Variants in RNGTT observed in about 807,000 individuals in gnomAD.
RNGTT encodes RNA guanylyltransferase and 5'-phosphatase.
Under a neutral mutation model 79.3 loss-of-function variants are expected in RNGTT, and 33 were observed. That is an observed-to-expected ratio of 0.42 (90% confidence interval 0.32 to 0.56). The LOEUF is 0.56. RNGTT is among the 20% of genes least tolerant of loss of function. The pLI, the probability that RNGTT is intolerant of heterozygous loss-of-function variation, is 0.17. For synonymous variants in RNGTT, 222 were observed against 235.9 expected, an observed-to-expected ratio of 0.94 and a Z score of 0.54; for missense variants, 497 against 739.1, an observed-to-expected ratio of 0.67 and a Z score of 3.80.
chr6:88,679,817 T>G (rs1582320229), intron 13 of RNGTT, among the ~76,000 whole-genome samples: 1 of 152,196 alleles, frequency 6.6e-6, no homozygotes, highest in Non-Finnish European at 1.5e-5. Flanking sequence ...CTTTCTTTTA[T>G]CACAAATCTT....
At chr6:88,677,189 G>A (rs1191385397) in intron 14 of RNGTT, among the ~76,000 whole-genome samples, 2 of 149,942 alleles carry the variant, frequency 1.3e-5, no homozygotes, top group Non-Finnish European at 3.0e-5. Context: ...CAGAACAAGT[G>A]AATATACACT....
chr6:88,811,968 G>A (rs1347543421), intron 11 of RNGTT, among the ~76,000 whole-genome samples: 2 of 152,080 alleles, frequency 1.3e-5, no homozygotes, highest in East Asian at 1.9e-4. Context: ...AATCTTTATT[G>A]GTTTTCAATC....
intron 11 of RNGTT, among the ~76,000 whole-genome samples, chr6:88,833,484 A>C (rs1780950809): frequency 6.6e-6 from 1 of 152,192 alleles, no homozygotes; most frequent in South Asian, 2.1e-4. Flanking sequence ...TGACGGGTTG[A>C]TGGGTGCAAC....
intron 7 of RNGTT, 49 bp from the exon 8 acceptor site, chr6:88,890,645 C>T: frequency 8.0e-7 from 1 of 1,253,396 alleles, no homozygotes; most frequent in South Asian, 1.3e-5. Flanking sequence ...CCATACAAAG[C>T]AATACATGTC....
At chr6:88,845,320 C>G (rs996373017) in intron 10 of RNGTT, among the ~76,000 whole-genome samples, 2 of 152,140 alleles carry the variant, frequency 1.3e-5, no homozygotes, top group African/African-American at 4.8e-5. Context: ...AGTACTCTCC[C>G]TCAAATACAC....
At chr6:88,688,343 C>T (rs1431126873) in intron 13 of RNGTT, among the ~76,000 whole-genome samples, 2 of 152,146 alleles carry the variant, frequency 1.3e-5, no homozygotes, top group Admixed American at 6.5e-5. Flanking sequence ...AATATACTGA[C>T]AGATGGAAGA....
At chr6:88,621,871 T>C (rs570384712) in intron 14 of RNGTT, among the ~76,000 whole-genome samples, 2 of 152,242 alleles carry the variant, frequency 1.3e-5, no homozygotes, top group Non-Finnish European at 2.9e-5. Context: ...GGCATGATAA[T>C]AAAGTTCCCT....
At chr6:88,737,033 G>T (rs917501601) in intron 13 of RNGTT, among the ~76,000 whole-genome samples, 3 of 152,206 alleles carry the variant, frequency 2.0e-5, no homozygotes, top group Non-Finnish European at 2.9e-5. Flanking sequence ...AGTGGATCCA[G>T]AAGGCAAAGC....
At chr6:88,679,615 CCCTT>C (rs2127790265) in intron 13 of RNGTT, among the ~76,000 whole-genome samples, 1 of 152,278 alleles carries the variant, frequency 6.6e-6, no homozygotes, top group Non-Finnish European at 1.5e-5. Flanking sequence ...TCTGCATTAT[CCCTT>C]CCTTCTTATT....
At chr6:88,825,492 T>C (rs1301411022) in intron 11 of RNGTT, among the ~76,000 whole-genome samples, 1 of 152,250 alleles carries the variant, frequency 6.6e-6, no homozygotes, top group Non-Finnish European at 1.5e-5. Flanking sequence ...TTTGGTAGCA[T>C]TCTAAACATC....
In RNGTT at chr6:88,680,611, G is replaced by A. The variant is rs185908141; in HGVS notation, c.1440-2192C>T. 2.1e-3 allele frequency among the ~76,000 whole-genome samples: 317 copies of A among 151,902 alleles called. 2 individuals carry two copies. Among genetic ancestry groups the A allele is most frequent in the African/African-American group, 6.8e-3 (281 of 41,442 alleles). Reference sequence around the variant, plus strand: ...ACAAAAATTAGCCAGGCGTGGTGGCGCATGCTTGTAATCCCAGCTACTCAG... The same window carrying A: ...ACAAAAATTAGCCAGGCGTGGTGGCACATGCTTGTAATCCCAGCTACTCAG... On this transcript the variant is annotated intron_variant, in intron 13 of 15. Coordinates refer to ENST00000369485, the MANE Select transcript of RNGTT (RefSeq NM_003800.5).
At chr6:88,917,701 A>G (rs1408902521) in intron 4 of RNGTT, among the ~76,000 whole-genome samples, 2 of 152,158 alleles carry the variant, frequency 1.3e-5, no homozygotes, top group Non-Finnish European at 2.9e-5. Flanking sequence ...AGCCTGGCCA[A>G]CATGGAGAAA....
rs186974519 is a variant in RNGTT at position 88,755,056 on chromosome 6, C to T, written c.1439+14718G>A. Among the ~76,000 whole-genome samples the T allele has an allele frequency of 6.6e-3, 1,005 of 152,052 alleles. 3 individuals are homozygous for T. Among genetic ancestry groups the T allele is most frequent in the Non-Finnish European group, 9.1e-3 (621 of 67,986 alleles). ...GCCACTGGGTTGGGGTCTCCATGAC[C>T]GAGCTGGTCTTGGCAGAAACCTGTA... On this transcript the variant is annotated intron_variant, in intron 13 of 15. Coordinates refer to ENST00000369485, the MANE Select transcript of RNGTT (RefSeq NM_003800.5).
At chr6:88,863,858 G>A (rs1782087457) in intron 8 of RNGTT, among the ~76,000 whole-genome samples, 2 of 152,180 alleles carry the variant, frequency 1.3e-5, no homozygotes, top group Middle Eastern at 3.4e-3. Context: ...CCAAGTTCCA[G>A]AGCCTGTAAT....
At chr6:88,934,905 T>C (rs753421632) in intron 2 of RNGTT, among the ~76,000 whole-genome samples, 9 of 152,196 alleles carry the variant, frequency 5.9e-5, no homozygotes, top group Non-Finnish European at 1.2e-4. Flanking sequence ...TAAGCCACTG[T>C]ACCCAGTCCA....
intron 14 of RNGTT, among the ~76,000 whole-genome samples, chr6:88,621,336 G>C (rs1323280429): frequency 2.0e-5 from 3 of 152,114 alleles, no homozygotes; most frequent in African/African-American, 7.2e-5. Flanking sequence ...TTCATTGGTT[G>C]TACCAGTTTA....
chr6:88,931,934 C>T lies in RNGTT; in HGVS notation c.175-2667G>A, dbSNP rs146030460. Among the ~76,000 whole-genome samples, 922 of 152,110 alleles carry T rather than the reference C, an allele frequency of 6.1e-3. 18 individuals are homozygous for T. Among genetic ancestry groups the T allele is most frequent in the African/African-American group, 0.02 (839 of 41,490 alleles). On this transcript the variant is annotated intron_variant, in intron 2 of 15. Transcript: ENST00000369485. The stretch of plus-strand genomic sequence containing the variant: ...TCATGAAGCATGTGTGTTTGAACAG[C>T]GTGAGATCTGGGCACCTTGAAAAAA...
intron 4 of RNGTT, among the ~76,000 whole-genome samples, chr6:88,924,850 A>G (rs1174307713): frequency 1.3e-5 from 2 of 151,966 alleles, no homozygotes; most frequent in Non-Finnish European, 1.5e-5. Context: ...CAGCCTCTTA[A>G]GTAGCTGGGA....
At position 88,929,163 on chromosome 6, in the gene RNGTT, C is replaced by A; in HGVS notation, c.278+1G>T. The A allele has an allele frequency of 6.3e-7, 1 of 1,579,612 alleles. No individual in the cohort carries two copies. Among genetic ancestry groups the A allele is most frequent in the Non-Finnish European group, 8.7e-7 (1 of 1,152,444 alleles). ...TTAAAGAATCTTAATATATAACTTA[C>A]CCTTTACACTGAAGTTTTATATATT... On this transcript the variant is annotated splice_donor_variant, in intron 3 of 15. Transcript: ENST00000369485. LOFTEE classifies it high-confidence loss of function.
Sources: gnomAD v4.1 joint callset for allele counts (sites outside exome capture counted in the v4.1 genomes callset) on GRCh38, gnomAD v4.1.1 for gene constraint, MANE v1.5 for transcripts, NCBI Gene and HGNC (gene_info 2026-07-23, HGNC 2026-07-21) for gene names.